ESF1: variants seen among roughly 807,000 people sequenced by gnomAD.
ESF1 encodes the protein ESF1 homolog.
ESF1 carries 58 observed loss-of-function variants against 92.0 expected under a neutral mutation model. That is an observed-to-expected ratio of 0.63 (90% CI 0.51 to 0.78). The LOEUF (loss-of-function observed/expected upper bound fraction) is 0.78. Among genes scored for constraint, ESF1 ranks in the 30% least tolerant of loss-of-function variants. ESF1 has a pLI of 0.00. For missense variants in ESF1, 922 were observed against 989.1 expected, an observed-to-expected ratio of 0.93 and a Z score of 0.91; for synonymous variants, 321 against 313.7, an observed-to-expected ratio of 1.02 and a Z score of -0.24.
At position 13,760,326 on chromosome 20, in the gene ESF1, C is replaced by A. The variant is rs556142038; in HGVS notation, c.1667-473G>T. ...GGAAGTGAGGAGCGCCTCTTCCCGG[C>A]CGCCATCCCATCTAGGAAGTGAGGA... is the stretch of plus-strand genomic sequence containing the variant. On this transcript the variant is annotated intron_variant, in intron 8 of 13. Transcript: ENST00000617257. Among the ~76,000 whole-genome samples, 23 of 150,370 alleles carry A rather than the reference C, an allele frequency of 1.5e-4. No individual in the cohort carries two copies. In the South Asian group the frequency reaches 4.4e-3, roughly 29 times the overall value.
chr20:13,762,091 A>G (rs900725332), intron 8 of ESF1, among the ~76,000 whole-genome samples: 1 of 152,150 alleles, frequency 6.6e-6, no homozygotes, highest in Non-Finnish European at 1.5e-5. Context: ...ATCTTTTTTA[A>G]TTTTTAAAAT....
chr20:13,726,933 C>T (rs116838604), intron 11 of ESF1, among the ~76,000 whole-genome samples: 1 of 152,136 alleles, frequency 6.6e-6, no homozygotes, highest in African/African-American at 2.4e-5. Context: ...TCTGGGAACA[C>T]TCTGAAATCA....
At chr20:13,775,110 C>T in intron 4 of ESF1, 47 bp downstream of exon 4, 2 of 1,085,678 alleles carry the variant, frequency 1.8e-6, no homozygotes, top group South Asian at 1.5e-5. Flanking sequence ...TCAGATTTAA[C>T]TTAAAATGCC....
chr20:13,731,517 G>A (rs2049942770), intron 10 of ESF1, among the ~76,000 whole-genome samples: 1 of 123,184 alleles, frequency 8.1e-6, no homozygotes, highest in African/African-American at 3.2e-5. Flanking sequence ...GGGCGACAGA[G>A]CGAGACTCGG....
At chr20:13,727,828 A>G (rs542078456) in intron 11 of ESF1, among the ~76,000 whole-genome samples, 1 of 152,342 alleles carries the variant, frequency 6.6e-6, no homozygotes, top group South Asian at 2.1e-4. Context: ...ATTAAGCATA[A>G]TGAGTACAAA....
rs573744134 is a variant in ESF1, at chr20:13,722,343, T to C, written c.2039-3359A>G. ...GAATTTACTATGATGTTAGACTGAA[T>C]TGTTTAGTGAAAAGATAAACAATGC... is the stretch of plus-strand genomic sequence containing the variant. On this transcript the variant is annotated intron_variant, in intron 11 of 13. Coordinates refer to ENST00000617257, the MANE Select transcript of ESF1 (RefSeq NM_001276380.2). Among the ~76,000 whole-genome samples, 142 of 152,286 alleles carry C rather than the reference T, an allele frequency of 9.3e-4. 4 individuals are homozygous for C. The South Asian group carries it at 0.027, about 29-fold the overall frequency.
intron 8 of ESF1, among the ~76,000 whole-genome samples, chr20:13,762,510 T>C (rs1284385749): frequency 6.6e-6 from 1 of 152,244 alleles, no homozygotes; most frequent in Non-Finnish European, 1.5e-5. Context: ...TACTTTAAAC[T>C]GATTTTTTCC....
chr20:13,723,557 C>T (rs376415906), intron 11 of ESF1, among the ~76,000 whole-genome samples: 2 of 134,914 alleles, frequency 1.5e-5, no homozygotes, highest in Non-Finnish European at 3.4e-5. Flanking sequence ...AGAAGGAAAT[C>T]AAAGAAAAAA....
chr20:13,765,116 G>T (rs1979375543), intron 8 of ESF1, among the ~76,000 whole-genome samples: 2 of 152,064 alleles, frequency 1.3e-5, no homozygotes. Flanking sequence ...CCAGCTACTT[G>T]GGAGGCTGAG....
rs1217562503 is a variant in ESF1, at chr20:13,715,268, T to C, written c.2263-101A>G. ...CAAATTTCGAAAGTTGGTGAGTTGA[T>C]TATATAAAATACAAACCTGAGTGTT... On this transcript the variant is annotated intron_variant, in intron 13 of 13. Transcript: ENST00000617257. 7 of 1,125,000 alleles carry C rather than the reference T, an allele frequency of 6.2e-6. No homozygotes were observed. The African/African-American group carries it at 9.4e-5, about 15-fold the overall frequency. 69.7% of individuals were successfully genotyped at this position (1,125,000 alleles called of 1,614,324 possible).
chr20:13,772,697 A>T (rs1425163373), intron 4 of ESF1, 82 bp from the exon 5 acceptor site: 1 of 968,656 alleles, frequency 1.0e-6, no homozygotes, highest in South Asian at 1.4e-5. Flanking sequence ...AGGAACTCTA[A>T]AAGTCACAAC....
At position 13,717,460 on chromosome 20, in the gene ESF1, T is replaced by C. The variant is rs192588786; in HGVS notation, c.2170A>G (p.Asn724Asp). The change falls in exon 13 of 14, where the codon AAT becomes GAT. Residue 724 changes from asparagine (N) to aspartate (D), a missense_variant. By Grantham distance (23) the Asn-to-Asp change is conservative. Transcript: ENST00000617257. Reference sequence around the variant, plus strand: ...TGGTGCTCCACAATCTTGTTGTAATTGAAGTGTTTCTTACTGTCCTCGTCC... The same window carrying C: ...TGGTGCTCCACAATCTTGTTGTAATCGAAGTGTTTCTTACTGTCCTCGTCC... ...DEDEDSKKHF[N>D]YNKIVEHQNL... The C allele has an allele frequency of 8.4e-5, 135 of 1,614,158 alleles. 1 individual carries two copies. The highest frequency in any genetic ancestry group is 5.3e-5 in the African/African-American group (4 of 75,058).
At chr20:13,755,864 T>TAAACTAG (rs1445379076) in intron 9 of ESF1, among the ~76,000 whole-genome samples, 1 of 152,210 alleles carries the variant, frequency 6.6e-6, no homozygotes, top group African/African-American at 2.4e-5. Flanking sequence ...TTAAATAGTC[T>TAAACTAG]AAACTAGAAT....
In ESF1 at chr20:13,714,686, T is replaced by C; in HGVS notation, c.*188A>G. 1.8e-6 allele frequency: 1 copy of C among 542,204 alleles called. No homozygotes were observed. The highest frequency in any genetic ancestry group is 2.8e-5 in the South Asian group (1 of 35,566). The allele number at this position is 542,204 out of a possible 1,614,324, so 33.6% of individuals were successfully genotyped here. On this transcript the variant is annotated 3_prime_UTR_variant, in exon 14 of 14. Transcript: ENST00000617257. ...TAATTATGACTGATCTGTAGGAATA[T>C]ACAATAAAAATTTGTCAGTCATCCA...
chr20:13,767,466 G>A (rs118034419), intron 7 of ESF1, among the ~76,000 whole-genome samples: 1 of 151,710 alleles, frequency 6.6e-6, no homozygotes, highest in East Asian at 1.9e-4. Context: ...TACTCAGGAG[G>A]CAGAGGTTGC....
intron 6 of ESF1, 61 bp from the exon 7 acceptor site, chr20:13,770,082 T>TGAGAA: frequency 3.2e-6 from 3 of 949,428 alleles, no homozygotes; most frequent in Non-Finnish European, 4.9e-6. Flanking sequence ...ACAGTTTAGA[T>TGAGAA]TCTCATCTAA....
At chr20:13,761,438 ATTT>A (rs1979197993) in intron 8 of ESF1, among the ~76,000 whole-genome samples, 1 of 151,472 alleles carries the variant, frequency 6.6e-6, no homozygotes, top group African/African-American at 2.4e-5. Context: ...AGAAGATGGC[ATTT>A]TATCCCTCTT....
At chr20:13,720,075 C>G (rs1183285599) in intron 11 of ESF1, among the ~76,000 whole-genome samples, 1 of 152,106 alleles carries the variant, frequency 6.6e-6, no homozygotes, top group Non-Finnish European at 1.5e-5. Flanking sequence ...AAACAGGGAT[C>G]TGGAAGCTAT....
At chr20:13,728,744 G>A (rs1367395656) in intron 10 of ESF1, among the ~76,000 whole-genome samples, 1 of 151,796 alleles carries the variant, frequency 6.6e-6, no homozygotes, top group East Asian at 1.9e-4. Context: ...GTGCATGCCT[G>A]TAGTCCCAGC....
Sources: allele counts gnomAD v4.1 joint callset (sites outside exome capture counted in the v4.1 genomes callset), GRCh38; gene constraint gnomAD v4.1.1; transcripts MANE v1.5; gene names NCBI Gene and HGNC (gene_info 2026-07-23, HGNC 2026-07-21).